Variants in ENO2 observed in about 807,000 individuals in gnomAD.
The protein encoded by ENO2 is enolase 2.
Under a neutral mutation model 48.7 loss-of-function variants are expected in ENO2, and 19 were observed. That is an observed-to-expected ratio of 0.39 (90% confidence interval 0.27 to 0.57). The LOEUF is 0.57. Ranked by LOEUF, ENO2 falls within the 20% of genes least tolerant of loss-of-function variation. The probability of loss-of-function intolerance (pLI) is 0.58; values close to 1 mark genes in which losing one functional copy is unlikely to be tolerated. For synonymous variants in ENO2, 198 were observed against 213.4 expected, an observed-to-expected ratio of 0.93 and a Z score of 0.63; for missense variants, 416 against 555.0, an observed-to-expected ratio of 0.75 and a Z score of 2.52.
Position 6,916,798 on chromosome 12 carries a change from G to A in ENO2, c.240+69G>A, listed in dbSNP as rs2138184086. 6.3e-7 allele frequency: 1 copy of A among 1,593,590 alleles called. No individual in the cohort carries two copies. Among genetic ancestry groups the A allele is most frequent in the South Asian group, 1.1e-5 (1 of 90,272 alleles). ...GAAGGAATCCCGGAGCAGGGCAGGA[G>A]GAAGGGAAGAAAGAAGGCCCACTCT... On this transcript the variant is annotated intron_variant, in intron 4 of 11. Transcript: ENST00000229277. The surrounding 1 kb of genome is among the most constrained non-coding windows in gnomAD (Gnocchi z 4.5).
At position 6,916,986 on chromosome 12, in the gene ENO2, C is replaced by T; in HGVS notation, c.241-52C>T. Reference sequence around the variant, plus strand: ...GGGTGTGAATGAGGGGACCCTCTGCCTTAGGGCTCAGCCTCCAGCCTGGCC... The same window carrying T: ...GGGTGTGAATGAGGGGACCCTCTGCTTTAGGGCTCAGCCTCCAGCCTGGCC... On this transcript the variant is annotated intron_variant, in intron 4 of 11. Transcript: ENST00000229277. The surrounding 1 kb of genome is among the most constrained non-coding windows in gnomAD (Gnocchi z 4.5). The T allele has an allele frequency of 6.2e-7, 1 of 1,611,792 alleles. No individual in the cohort carries two copies.
At chr12:6,919,532 C>T (rs1555141918) in intron 7 of ENO2, 34 bp from the exon 8 acceptor site, 7 of 1,611,420 alleles carry the variant, frequency 4.3e-6, no homozygotes, top group Non-Finnish European at 5.1e-6. Context: ...ATCCCTCCTG[C>T]TTGTACTATA....
In ENO2 at chr12:6,922,321, G is replaced by A; in HGVS notation, c.1177-23G>A. ...GGGGTGAGAGGGCAGTCACTGAGCTGCAAATCCTTTGAAATGTTTCAGATC... is the reference window on the plus strand; with the variant it reads ...GGGGTGAGAGGGCAGTCACTGAGCTACAAATCCTTTGAAATGTTTCAGATC... On this transcript the variant is annotated intron_variant, in intron 10 of 11. Coordinates refer to ENST00000229277, the MANE Select transcript of ENO2 (RefSeq NM_001975.3). This position sits in a 1 kb window ranked among gnomAD's most constrained non-coding sequence, Gnocchi z 5.3. 1 of 1,614,200 alleles carries A rather than the reference G, an allele frequency of 6.2e-7. No homozygotes were observed. The highest frequency in any genetic ancestry group is 2.2e-5 in the East Asian group (1 of 44,886).
intron 7 of ENO2, among the ~76,000 whole-genome samples, chr12:6,918,443 C>A (rs376147543): frequency 1.3e-5 from 2 of 150,578 alleles, no homozygotes; most frequent in African/African-American, 2.5e-5. Context: ...CTCCGCCTCC[C>A]GGGTTCACGC....
Position 6,922,282 on chromosome 12 carries a change from G to A in ENO2, c.1177-62G>A. 1 of 1,613,446 alleles carries A rather than the reference G, an allele frequency of 6.2e-7. No individual in the cohort carries two copies. The highest frequency in any genetic ancestry group is 1.3e-5 in the African/African-American group (1 of 75,038). On this transcript the variant is annotated intron_variant, in intron 10 of 11. Coordinates refer to ENST00000229277, the MANE Select transcript of ENO2 (RefSeq NM_001975.3). This position sits in a 1 kb window ranked among gnomAD's most constrained non-coding sequence, Gnocchi z 5.3. ...GTGTCAGGGGAGTTTCAGGAGAGCA[G>A]AAGTTTCCTTTCAGGGGTGAGAGGG...
At position 6,922,667 on chromosome 12, in the gene ENO2, C is replaced by G; in HGVS notation, c.1236-64C>G. 6.3e-7 allele frequency: 1 copy of G among 1,598,060 alleles called. No homozygotes were observed. Among genetic ancestry groups the G allele is most frequent in the Non-Finnish European group, 8.6e-7 (1 of 1,166,342 alleles). The stretch of plus-strand genomic sequence containing the variant: ...GGGGTGGTTGGAGTCTGGGGGACCC[C>G]TAGAGAGAGAAGCAGGATCCTCCTG... On this transcript the variant is annotated intron_variant, in intron 11 of 11. Transcript: ENST00000229277. The surrounding 1 kb of genome is among the most constrained non-coding windows in gnomAD (Gnocchi z 5.3).
chr12:6,918,353 A>AT (rs111900701), intron 7 of ENO2, among the ~76,000 whole-genome samples, 191 bp downstream of exon 7: 1,703 of 141,552 alleles, frequency 0.012, 30 homozygotes, highest in African/African-American at 0.033. Context: ...GGGGGACAGT[A>AT]TTTTTTTTTT....
rs180796033 is a variant in ENO2 at position 6,918,495 on chromosome 12, C to T, written c.667+333C>T. On this transcript the variant is annotated intron_variant, in intron 7 of 11. Coordinates refer to ENST00000229277, the MANE Select transcript of ENO2 (RefSeq NM_001975.3). ...CCTCCCGAGTAGCTGGGACTACAGGCGCCCGCCACCACGCCCGGCTAATTT... is the reference window on the plus strand; with the variant it reads ...CCTCCCGAGTAGCTGGGACTACAGGTGCCCGCCACCACGCCCGGCTAATTT... Among the ~76,000 whole-genome samples, 874 of 151,644 alleles carry T rather than the reference C, an allele frequency of 5.8e-3. 78 individuals are homozygous for T. The East Asian group carries it at 0.16, about 28-fold the overall frequency.
At chr12:6,921,845 C>T in intron 9 of ENO2, 63 bp downstream of exon 9, 1 of 1,589,948 alleles carries the variant, frequency 6.3e-7, no homozygotes, top group Admixed American at 1.8e-5. Flanking sequence ...TTTGCAAGTG[C>T]TCCAGCCTAA....
Position 6,914,749 on chromosome 12 carries a change from CT to C in ENO2, c.-13+91del, listed in dbSNP as rs782683985. ...CTTTACCCGGTGCCGCTGCGCACCT[CT>C]CCGCATCTCTGGCCCGGTGCAGCTG... On this transcript the variant is annotated intron_variant, in intron 1 of 11. Coordinates refer to ENST00000229277, the MANE Select transcript of ENO2 (RefSeq NM_001975.3). The surrounding 1 kb of genome is among the most constrained non-coding windows in gnomAD (Gnocchi z 7.1). 22 of 154,162 alleles carry C rather than the reference CT, an allele frequency of 1.4e-4. No individual in the cohort carries two copies. In the South Asian group the frequency reaches 3.8e-3, roughly 27 times the overall value. 9.5% of individuals were successfully genotyped at this position (154,162 alleles called of 1,614,324 possible).
chr12:6,923,119 G>C lies in ENO2; in HGVS notation c.*319G>C. The C allele has an allele frequency of 2.9e-6, 1 of 341,522 alleles. No individual in the cohort carries two copies. Among genetic ancestry groups the C allele is most frequent in the Non-Finnish European group, 5.7e-6 (1 of 175,344 alleles). 21.2% of individuals were successfully genotyped at this position (341,522 alleles called of 1,614,324 possible). A position where few individuals can be genotyped will look rare whatever the true frequency, so the allele number is the denominator to read the frequency against. On this transcript the variant is annotated 3_prime_UTR_variant, in exon 12 of 12. Transcript: ENST00000229277. ...GAAGAATGATCAGCATCTGTGATGG[G>C]AGCGTCAGGGTTGGTGTGCTGAGGT...
At position 6,922,246 on chromosome 12, in the gene ENO2, G is replaced by A. The variant is rs1945347634; in HGVS notation, c.1176+82G>A. 3 of 1,607,960 alleles carry A rather than the reference G, an allele frequency of 1.9e-6. No homozygotes were observed. The highest frequency in any genetic ancestry group is 1.3e-5 in the African/African-American group (1 of 74,802). On this transcript the variant is annotated intron_variant, in intron 10 of 11. Coordinates refer to ENST00000229277, the MANE Select transcript of ENO2 (RefSeq NM_001975.3). This position sits in a 1 kb window ranked among gnomAD's most constrained non-coding sequence, Gnocchi z 5.3. ...CTCACCCACCTGGTCTCTCCTTCCAGGTGTTTGAGGGTGTCAGGGGAGTTT... is the reference window on the plus strand; with the variant it reads ...CTCACCCACCTGGTCTCTCCTTCCAAGTGTTTGAGGGTGTCAGGGGAGTTT...
chr12:6,923,022 C>T lies in ENO2; in HGVS notation c.*222C>T. On this transcript the variant is annotated 3_prime_UTR_variant, in exon 12 of 12. Transcript: ENST00000229277. ...CATTGGGGTTCCGCACTTTCCACTT[C>T]TTCCTTTCTCTTTCTCTCTTCCCTC... 2 of 530,406 alleles carry T rather than the reference C, an allele frequency of 3.8e-6. No individual in the cohort carries two copies. The highest frequency in any genetic ancestry group is 4.8e-5 in the South Asian group (2 of 41,244). The allele number at this position is 530,406 out of a possible 1,614,324, so 32.9% of individuals were successfully genotyped here. A position where few individuals can be genotyped will look rare whatever the true frequency, so the allele number is the denominator to read the frequency against.
At position 6,916,553 on chromosome 12, in the gene ENO2, CCTT is replaced by C. The variant is rs1555141629; in HGVS notation, c.181+42_181+44del. The C allele has an allele frequency of 6.2e-6, 10 of 1,612,434 alleles. No homozygotes were observed. In the East Asian group the frequency reaches 2.2e-4, roughly 36 times the overall value. On this transcript the variant is annotated intron_variant, in intron 3 of 11. Coordinates refer to ENST00000229277, the MANE Select transcript of ENO2 (RefSeq NM_001975.3). This position sits in a 1 kb window ranked among gnomAD's most constrained non-coding sequence, Gnocchi z 4.5. ...TTTTCCAGACTCTCCCCCACCTCAG[CCTT>C]ATGCCCCTACCTCACACCAGTCCCC...
rs1945284698 is a variant in ENO2 at position 6,915,769 on chromosome 12, C to CCA, written c.-12-50_-12-49dup. 8 of 1,325,218 alleles carry CCA rather than the reference C, an allele frequency of 6.0e-6. No homozygotes were observed. The Admixed American group carries it at 1.5e-4, about 25-fold the overall frequency. 82.1% of individuals were successfully genotyped at this position (1,325,218 alleles called of 1,614,324 possible). ...CCGCCCCGCCCATTGATCTCAGGCT[C>CCA]CACCCCTCTAAGCCTCTTATCTTTC... On this transcript the variant is annotated intron_variant, in intron 1 of 11. Transcript: ENST00000229277.
chr12:6,920,679 C>T (rs1382890288), intron 8 of ENO2, among the ~76,000 whole-genome samples: 16 of 148,074 alleles, frequency 1.1e-4, no homozygotes, highest in African/African-American at 3.5e-4. Context: ...GGATTACAGG[C>T]GTGAGCCACC....
At position 6,920,372 on chromosome 12, in the gene ENO2, T is replaced by TG. The variant is rs147356894; in HGVS notation, c.865+619dup. Among the ~76,000 whole-genome samples the TG allele has an allele frequency of 0.011, 879 of 82,368 alleles. 53 individuals carry two copies. In the East Asian group the frequency reaches 0.19, roughly 18 times the overall value. The allele number at this position is 82,368 out of a possible 152,430, so 54.0% of individuals were successfully genotyped here. A position where few individuals can be genotyped will look rare whatever the true frequency, so the allele number is the denominator to read the frequency against. On this transcript the variant is annotated intron_variant, in intron 8 of 11. Transcript: ENST00000229277. ...ACCCTTGTTACTGGAAGATTTTTTT[T>TG]GGGGGGGGGGTGGGGTTGTTTTTTT...
At position 6,917,996 on chromosome 12, in the gene ENO2, G is replaced by A; in HGVS notation, c.501G>A (p.Glu167=). The part of the protein sequence containing the change: ...SHAGNKLAMQ[E]FMILPVGAES... Reference sequence around the variant, plus strand: ...CTGGCAACAAGCTGGCCATGCAGGAGTTCATGATCCTCCCAGTGGGAGCTG... The same window carrying A: ...CTGGCAACAAGCTGGCCATGCAGGAATTCATGATCCTCCCAGTGGGAGCTG... The change falls in exon 7 of 12, where the codon GAG becomes GAA. Residue 167 remains glutamate, a synonymous_variant. Coordinates refer to ENST00000229277, the MANE Select transcript of ENO2 (RefSeq NM_001975.3). The A allele has an allele frequency of 6.2e-7, 1 of 1,614,190 alleles. No individual in the cohort carries two copies. The highest frequency in any genetic ancestry group is 1.1e-5 in the South Asian group (1 of 91,080).
At position 6,914,596 on chromosome 12, in the gene ENO2, C is replaced by T; in HGVS notation, c.-76C>T. 1 of 170,446 alleles carries T rather than the reference C, an allele frequency of 5.9e-6. No individual in the cohort carries two copies. The highest frequency in any genetic ancestry group is 1.3e-4 in the South Asian group (1 of 7,780). The allele number at this position is 170,446 out of a possible 1,614,324, so 10.6% of individuals were successfully genotyped here. ...GCCGCCACTGCCACTCCCGCTCTCT[C>T]AGCGCCGCCGTCGCCACCGCCACCG... On this transcript the variant is annotated 5_prime_UTR_variant, in exon 1 of 12. Transcript: ENST00000229277. This position sits in a 1 kb window ranked among gnomAD's most constrained non-coding sequence, Gnocchi z 7.1.
Sources: gnomAD v4.1 joint callset for allele counts (sites outside exome capture counted in the v4.1 genomes callset) on GRCh38, gnomAD v4.1.1 for gene constraint, Gnocchi (gnomAD v3.1) non-coding constraint, MANE v1.5 for transcripts, NCBI Gene and HGNC (gene_info 2026-07-23, HGNC 2026-07-21) for gene names.